Variants in PKD2L2 observed in about 807,000 individuals in gnomAD.
PKD2L2 encodes the protein polycystin 2 like 2, transient receptor potential cation channel.
A neutral mutation model predicts 83.9 loss-of-function variants in PKD2L2; 67 were observed. That is an observed-to-expected ratio of 0.80 (90% confidence interval 0.66 to 0.98). The LOEUF is 0.98. PKD2L2 is among the 50% of genes least tolerant of loss of function. The pLI, the probability that PKD2L2 is intolerant of heterozygous loss-of-function variation, is 0.00. For missense variants in PKD2L2, 632 were observed against 717.2 expected, an observed-to-expected ratio of 0.88 and a Z score of 1.36; for synonymous variants, 223 against 237.8, an observed-to-expected ratio of 0.94 and a Z score of 0.57.
chr5:137,901,700 CACA>C (rs1290644156), intron 5 of PKD2L2, among the ~76,000 whole-genome samples: 5 of 152,148 alleles, frequency 3.3e-5, no homozygotes, highest in South Asian at 4.1e-4. Flanking sequence ...TATCCCCAAA[CACA>C]ACATCTCTAA....
At chr5:137,924,080 T>C (rs962208533) in intron 10 of PKD2L2, among the ~76,000 whole-genome samples, 2 of 152,230 alleles carry the variant, frequency 1.3e-5, no homozygotes, top group Admixed American at 1.3e-4. Context: ...CTTTAAATTC[T>C]AACTGCCACC....
chr5:137,934,769 G>A lies in PKD2L2; in HGVS notation c.1672-1028G>A, dbSNP rs138078833. Reference sequence around the variant, plus strand: ...GTGGTTAGCATTCAACTTCCACATCGAATGCTAAGATTGTGCCACTGCACT... The same window carrying A: ...GTGGTTAGCATTCAACTTCCACATCAAATGCTAAGATTGTGCCACTGCACT... On this transcript the variant is annotated intron_variant, in intron 12 of 14. Transcript: ENST00000508883. Among the ~76,000 whole-genome samples, 150 of 152,222 alleles carry A rather than the reference G, an allele frequency of 9.9e-4. 3 individuals are homozygous for A. The Middle Eastern group carries it at 0.01, about 10-fold the overall frequency.
At chr5:137,913,426 T>A (rs1348259003) in intron 8 of PKD2L2, among the ~76,000 whole-genome samples, 1 of 151,154 alleles carries the variant, frequency 6.6e-6, no homozygotes, top group African/African-American at 2.4e-5. Context: ...CCTCAAGCAA[T>A]CTCCAACCTT....
chr5:137,891,594 G>A (rs573430259), intron 2 of PKD2L2, among the ~76,000 whole-genome samples: 10 of 152,056 alleles, frequency 6.6e-5, no homozygotes, highest in Non-Finnish European at 1.3e-4. Flanking sequence ...AAAAATGTAA[G>A]TAAAAAGATC....
intron 4 of PKD2L2, among the ~76,000 whole-genome samples, chr5:137,895,953 G>T (rs1002803850): frequency 1.2e-4 from 18 of 150,996 alleles, no homozygotes; most frequent in Non-Finnish European, 2.4e-4. Flanking sequence ...GAGGCGGGCG[G>T]ATCACCTGAG....
intron 14 of PKD2L2, among the ~76,000 whole-genome samples, chr5:137,936,972 T>C (rs1389164359): frequency 3.3e-5 from 5 of 152,196 alleles, no homozygotes; most frequent in Admixed American, 6.5e-5. Flanking sequence ...TATCAAATTC[T>C]AGAAAAGTGA....
chr5:137,932,261 T>C (rs1481569390), intron 12 of PKD2L2, among the ~76,000 whole-genome samples: 1 of 151,816 alleles, frequency 6.6e-6, no homozygotes, highest in East Asian at 1.9e-4. Flanking sequence ...GGCAGGAGAA[T>C]TGCTTGAACC....
At chr5:137,923,091 C>G (rs1759071380) in intron 9 of PKD2L2, among the ~76,000 whole-genome samples, 1 of 151,544 alleles carries the variant, frequency 6.6e-6, no homozygotes, top group South Asian at 2.1e-4. Flanking sequence ...ACTCGGCTCA[C>G]TGCAACCTCC....
intron 8 of PKD2L2, among the ~76,000 whole-genome samples, chr5:137,920,440 T>A (rs1758786823): frequency 6.6e-6 from 1 of 152,124 alleles, no homozygotes; most frequent in Admixed American, 6.6e-5. Flanking sequence ...TAAGTGGTAT[T>A]TCATATCAAA....
At chr5:137,908,195 G>C (rs916243179) in intron 7 of PKD2L2, among the ~76,000 whole-genome samples, 1 of 152,086 alleles carries the variant, frequency 6.6e-6, no homozygotes, top group Non-Finnish European at 1.5e-5. Flanking sequence ...TGTAGTTCCA[G>C]CTACTCTGGA....
At chr5:137,909,205 T>C (rs948829677) in intron 8 of PKD2L2, among the ~76,000 whole-genome samples, 4 of 152,082 alleles carry the variant, frequency 2.6e-5, no homozygotes, top group African/African-American at 7.2e-5. Flanking sequence ...GTTGATTACA[T>C]TTTTATTATT....
intron 5 of PKD2L2, among the ~76,000 whole-genome samples, chr5:137,905,897 C>T (rs1757323504): frequency 6.6e-6 from 1 of 151,594 alleles, no homozygotes; most frequent in Non-Finnish European, 1.5e-5. Context: ...AATTATATTC[C>T]CAGTTATGAA....
intron 8 of PKD2L2, among the ~76,000 whole-genome samples, chr5:137,912,738 T>G (rs1048159547): frequency 2.0e-5 from 3 of 152,040 alleles, no homozygotes; most frequent in Non-Finnish European, 4.4e-5. Context: ...TTGTGTGTCT[T>G]CTTTTGAGAA....
Position 137,892,626 on chromosome 5 carries a change from G to T in PKD2L2, c.267+13G>T, listed in dbSNP as rs1394988936. The T allele has an allele frequency of 6.2e-7, 1 of 1,608,738 alleles. No homozygotes were observed. Among genetic ancestry groups the T allele is most frequent in the Admixed American group, 1.7e-5 (1 of 58,980 alleles). On this transcript the variant is annotated intron_variant, in intron 3 of 14. Transcript: ENST00000508883. ...TGATTTTTGGAAGGTAAAGTATCTT[G>T]TGACTGTGGATGAAGTAGATTTAGG... is the stretch of plus-strand genomic sequence containing the variant.
At chr5:137,901,937 A>G (rs574259289) in intron 5 of PKD2L2, among the ~76,000 whole-genome samples, 31 of 152,292 alleles carry the variant, frequency 2.0e-4, no homozygotes, top group African/African-American at 7.0e-4. Context: ...TCAGATGTGC[A>G]TGACTTCACA....
chr5:137,918,925 A>G (rs1008005165), intron 8 of PKD2L2, among the ~76,000 whole-genome samples: 1 of 150,802 alleles, frequency 6.6e-6, no homozygotes, highest in African/African-American at 2.4e-5. Flanking sequence ...AGACAGAGGC[A>G]AGGTCCAGGG....
At chr5:137,905,327 CA>C in intron 5 of PKD2L2, among the ~76,000 whole-genome samples, 1 of 152,164 alleles carries the variant, frequency 6.6e-6, no homozygotes, top group Non-Finnish European at 1.5e-5. Context: ...GCAAACTAAA[CA>C]GAGTATTAAT....
chr5:137,919,396 C>A (rs185211389), intron 8 of PKD2L2, among the ~76,000 whole-genome samples: 16 of 152,270 alleles, frequency 1.1e-4, no homozygotes, highest in African/African-American at 3.8e-4. Context: ...TTTTGTCATT[C>A]TCCCTATTAC....
chr5:137,912,307 G>A (rs186482445), intron 8 of PKD2L2, among the ~76,000 whole-genome samples: 1 of 152,124 alleles, frequency 6.6e-6, no homozygotes, highest in African/African-American at 2.4e-5. Flanking sequence ...CTCCATCCTT[G>A]ATAACACTTG....
Sources: gnomAD v4.1 joint callset for allele counts (sites outside exome capture counted in the v4.1 genomes callset) on GRCh38, gnomAD v4.1.1 for gene constraint, MANE v1.5 for transcripts, NCBI Gene and HGNC (gene_info 2026-07-23, HGNC 2026-07-21) for gene names.